The following SLC3A1 variants were observed in gnomAD, a reference collection of about 807,000 sequenced individuals.
SLC3A1 encodes the protein amino acid transporter heavy chain SLC3A1.
SLC3A1 carries 78 observed loss-of-function variants against 60.3 expected under a neutral mutation model. That is an observed-to-expected ratio of 1.29 (90% confidence interval 1.08 to 1.56). The LOEUF (loss-of-function observed/expected upper bound fraction) is 1.56, where lower values mean the gene tolerates loss of function less well. Among genes scored for constraint, SLC3A1 ranks in the 40% most tolerant of loss-of-function variants. SLC3A1 has a pLI of 0.00. For synonymous variants in SLC3A1, 392 were observed against 307.9 expected (o/e 1.27, Z -2.86); for missense variants, 1,172 against 858.9 (o/e 1.36, Z -4.56).
intron 4 of SLC3A1, among the ~76,000 whole-genome samples, chr2:44,288,180 C>T (rs1320888362): frequency 6.6e-6 from 1 of 152,080 alleles, no homozygotes; most frequent in Non-Finnish European, 1.5e-5. Context: ...GCATGTACCA[C>T]CATGCCCGGC....
In SLC3A1 at chr2:44,275,676, C is replaced by A; in HGVS notation, c.141C>A (p.Ser47Arg). ...PGSSTDNLKHSTRGILGSQEP... is the reference protein window; with the variant it reads ...PGSSTDNLKHRTRGILGSQEP... The stretch of plus-strand genomic sequence containing the variant: ...GCTCAACAGACAACCTGAAGCACAG[C>A]ACCAGGGGCATCCTTGGCTCCCAGG... The change falls in exon 1 of 10, where the codon AGC (serine) becomes AGA (arginine). Residue 47 changes from serine to arginine, a missense_variant. Ser to Arg is a moderately radical substitution (Grantham distance 110, BLOSUM62 -1). Transcript: ENST00000260649. The A allele has an allele frequency of 6.2e-7, 1 of 1,614,206 alleles. No homozygotes were observed. Among genetic ancestry groups the A allele is most frequent in the Non-Finnish European group, 8.5e-7 (1 of 1,180,020 alleles).
At chr2:44,301,211 G>A in intron 6 of SLC3A1, 84 bp downstream of exon 6, 1 of 1,545,458 alleles carries the variant, frequency 6.5e-7, no homozygotes, top group East Asian at 2.3e-5. Flanking sequence ...TGTATTTGGA[G>A]GTTCAAGTAA....
chr2:44,287,918 A>C (rs773283074), intron 4 of SLC3A1, among the ~76,000 whole-genome samples: 21 of 152,184 alleles, frequency 1.4e-4, no homozygotes, highest in African/African-American at 5.1e-4. Context: ...TAATTTTGAA[A>C]TAACAGTTTA....
At chr2:44,316,837 T>C (rs1317344852) in intron 9 of SLC3A1, among the ~76,000 whole-genome samples, 1 of 152,216 alleles carries the variant, frequency 6.6e-6, no homozygotes, top group Non-Finnish European at 1.5e-5. Context: ...CATTTTACCA[T>C]GTGTGGCCAC....
intron 4 of SLC3A1, among the ~76,000 whole-genome samples, chr2:44,291,131 A>G (rs1288321271): frequency 6.6e-6 from 1 of 152,050 alleles, no homozygotes; most frequent in Admixed American, 6.6e-5. Flanking sequence ...CTTAACCACA[A>G]TCCTACACCT....
At chr2:44,302,113 G>T (rs1038856151) in intron 6 of SLC3A1, among the ~76,000 whole-genome samples, 1 of 152,060 alleles carries the variant, frequency 6.6e-6, no homozygotes. Context: ...CATTGTTATT[G>T]GATCTATAGT....
intron 1 of SLC3A1, among the ~76,000 whole-genome samples, chr2:44,279,917 C>G (rs1372385842): frequency 6.6e-6 from 1 of 152,060 alleles, no homozygotes; most frequent in Non-Finnish European, 1.5e-5. Flanking sequence ...ACAGGGTCTT[C>G]AAAATCCAAT....
In SLC3A1 at chr2:44,320,862, C is replaced by A. The variant is rs923958068; in HGVS notation, c.*223C>A. The A allele has an allele frequency of 8.9e-6, 5 of 559,968 alleles. No individual in the cohort carries two copies. The African/African-American group carries it at 9.4e-5, about 11-fold the overall frequency. 34.7% of individuals were successfully genotyped at this position (559,968 alleles called of 1,614,324 possible). A position where few individuals can be genotyped will look rare whatever the true frequency, so the allele number is the denominator to read the frequency against. On this transcript the variant is annotated 3_prime_UTR_variant, in exon 10 of 10. Transcript: ENST00000260649. ...GGAGCTTATAACTTTATTCAGATAG[C>A]ATCAATCAGGGATGACCAGAACACA...
chr2:44,278,169 G>C (rs1222148515), intron 1 of SLC3A1, among the ~76,000 whole-genome samples: 1 of 152,132 alleles, frequency 6.6e-6, no homozygotes, highest in Non-Finnish European at 1.5e-5. Context: ...GTCAGGCCAG[G>C]CGTGGTGGCT....
Position 44,280,705 on chromosome 2 carries a change from T to G in SLC3A1, c.431-11T>G, listed in dbSNP as rs772258572. ...GTAGGGTTTATTCATGACTTTGACTTTTTTCTTCAGGTATTCAAGATAAAC... is the reference window on the plus strand; with the variant it reads ...GTAGGGTTTATTCATGACTTTGACTGTTTTCTTCAGGTATTCAAGATAAAC... On this transcript the variant is annotated splice_polypyrimidine_tract_variant and intron_variant, in intron 1 of 9. Coordinates refer to ENST00000260649, the MANE Select transcript of SLC3A1 (RefSeq NM_000341.4). 3.8e-6 allele frequency: 6 copies of G among 1,595,894 alleles called. No individual in the cohort carries two copies. In the African/African-American group the frequency reaches 6.7e-5, roughly 18 times the overall value.
chr2:44,301,257 AG>A (rs1671999287), intron 6 of SLC3A1, 130 bp downstream of exon 6: 4 of 1,234,024 alleles, frequency 3.2e-6, no homozygotes, highest in Non-Finnish European at 4.7e-6. Context: ...AATTGATTAC[AG>A]TTTGGTTGTA....
In SLC3A1 at chr2:44,312,758, GT is replaced by G; in HGVS notation, c.1500+7del. 2 of 1,603,424 alleles carry G rather than the reference GT, an allele frequency of 1.2e-6. No homozygotes were observed. Among genetic ancestry groups the G allele is most frequent in the South Asian group, 2.2e-5 (2 of 90,950 alleles). ...CTCAATGAAAGCTATGATATTGTAA[GT>G]TGAATACAACTTGACTATTCATCAC... On this transcript the variant is annotated splice_donor_region_variant and intron_variant, in intron 8 of 9. Coordinates refer to ENST00000260649, the MANE Select transcript of SLC3A1 (RefSeq NM_000341.4).
chr2:44,300,747 G>C (rs1479643059), intron 5 of SLC3A1, among the ~76,000 whole-genome samples: 2 of 152,084 alleles, frequency 1.3e-5, no homozygotes, highest in Non-Finnish European at 2.9e-5. Flanking sequence ...TGAGAACTTT[G>C]TAATCAGTGT....
Position 44,275,628 on chromosome 2 carries a change from G to A in SLC3A1, c.93G>A (p.Leu31=). 2 of 1,614,086 alleles carry A rather than the reference G, an allele frequency of 1.2e-6. No individual in the cohort carries two copies. The highest frequency in any genetic ancestry group is 2.2e-5 in the East Asian group (1 of 44,888). Residue 31 remains leucine, a synonymous_variant, in exon 1 of 10, where the codon CTG becomes CTA. Transcript: ENST00000260649. ...GGTTTGTCCATAATGAAGACATTCT[G>A]GAGCAGACCCCGGATCCAGGAAGCT... ...NNGFVHNEDI[L]EQTPDPGSST...
intron 3 of SLC3A1, among the ~76,000 whole-genome samples, chr2:44,284,329 C>T (rs1241576348): frequency 6.6e-6 from 1 of 152,116 alleles, no homozygotes; most frequent in Admixed American, 6.5e-5. Context: ...CTGCCCACGT[C>T]GGCTTCCCAG....
Position 44,301,017 on chromosome 2 carries a change from A to G in SLC3A1, c.1026A>G (p.Gln342=), listed in dbSNP as rs756614305. 6.2e-7 allele frequency: 1 copy of G among 1,614,172 alleles called. No homozygotes were observed. Among genetic ancestry groups the G allele is most frequent in the Non-Finnish European group, 8.5e-7 (1 of 1,180,034 alleles). Residue 342 remains glutamine, a synonymous_variant, in exon 6 of 10, where the codon CAA becomes CAG. Coordinates refer to ENST00000260649, the MANE Select transcript of SLC3A1 (RefSeq NM_000341.4). The stretch of plus-strand genomic sequence containing the variant: ...GGTTTTCAAAGGACACGGTCACACA[A>G]TACTCGGAGCTGTACCATGACTTCA... ...NKTQIPDTVT[Q]YSELYHDFTT...
chr2:44,281,372 T>C lies in SLC3A1; in HGVS notation c.611-15T>C, dbSNP rs1320400886. ...CAATCTTTCCCTAGCATTTGAAATGTCTTTTACTCATTAGGTTTAAAATTA... is the reference window on the plus strand; with the variant it reads ...CAATCTTTCCCTAGCATTTGAAATGCCTTTTACTCATTAGGTTTAAAATTA... On this transcript the variant is annotated splice_polypyrimidine_tract_variant and intron_variant, in intron 2 of 9. Coordinates refer to ENST00000260649, the MANE Select transcript of SLC3A1 (RefSeq NM_000341.4). 4.4e-6 allele frequency: 7 copies of C among 1,601,234 alleles called. No individual in the cohort carries two copies. Among genetic ancestry groups the C allele is most frequent in the Non-Finnish European group, 6.0e-6 (7 of 1,170,174 alleles).
chr2:44,307,346 T>C (rs1343045810), intron 7 of SLC3A1, among the ~76,000 whole-genome samples: 3 of 152,228 alleles, frequency 2.0e-5, no homozygotes, highest in East Asian at 1.9e-4. Context: ...CTCTCTGATA[T>C]ATATCCAGGA....
At chr2:44,284,107 T>C (rs1387097854) in intron 3 of SLC3A1, among the ~76,000 whole-genome samples, 1 of 152,164 alleles carries the variant, frequency 6.6e-6, no homozygotes, top group African/African-American at 2.4e-5. Flanking sequence ...TTTGAGATGG[T>C]CTTGCTCTGT....
Sources: allele counts gnomAD v4.1 joint callset (sites outside exome capture counted in the v4.1 genomes callset), GRCh38; gene constraint gnomAD v4.1.1; transcripts MANE v1.5; gene names NCBI Gene and HGNC (gene_info 2026-07-23, HGNC 2026-07-21).